DCPS: variants seen among roughly 807,000 people sequenced by gnomAD.
DCPS encodes the protein decapping enzyme, scavenger.
DCPS carries 27 observed loss-of-function variants against 34.7 expected under a neutral mutation model. The observed-to-expected ratio is 0.78, with a 90% CI of 0.57 to 1.07. DCPS has a LOEUF of 1.07. DCPS is among the 50% of genes least tolerant of loss of function. DCPS has a pLI of 0.00. For missense variants in DCPS, 464 were observed against 436.9 expected (o/e 1.06, Z -0.55); for synonymous variants, 185 against 185.7 (o/e 1.00, Z 0.03).
Position 126,338,537 on chromosome 11 carries a change from TG to T in DCPS, c.636+139del. 1 of 762,498 alleles carries T rather than the reference TG, an allele frequency of 1.3e-6. No individual in the cohort carries two copies. The highest frequency in any genetic ancestry group is 2.2e-6 in the Non-Finnish European group (1 of 450,998). 47.2% of individuals were successfully genotyped at this position (762,498 alleles called of 1,614,324 possible). A position where few individuals can be genotyped will look rare whatever the true frequency, so the allele number is the denominator to read the frequency against. On this transcript the variant is annotated intron_variant, in intron 4 of 5. Coordinates refer to ENST00000263579, the MANE Select transcript of DCPS (RefSeq NM_014026.6). The surrounding 1 kb of genome is among the most constrained non-coding windows in gnomAD (Gnocchi z 5.4). ...CCAACAAGGGTTGGCCTGAGCTCTC[TG>T]TGGGGACTGGGTGGATACCTGTCAT...
At position 126,333,647 on chromosome 11, in the gene DCPS, T is replaced by A. The variant is rs1951808753; in HGVS notation, c.522+2097T>A. Among the ~76,000 whole-genome samples, 1 of 150,968 alleles carries A rather than the reference T, an allele frequency of 6.6e-6. No individual in the cohort carries two copies. The highest frequency in any genetic ancestry group is 2.1e-4 in the South Asian group (1 of 4,744). ...GATGCTTTGGGGGAGCTGCAAGGAG[T>A]TTGGTGTGACTGGGGCTTGGGCTGC... On this transcript the variant is annotated intron_variant, in intron 3 of 5. Transcript: ENST00000263579. The surrounding 1 kb of genome is among the most constrained non-coding windows in gnomAD (Gnocchi z 5.7).
intron 4 of DCPS, among the ~76,000 whole-genome samples, chr11:126,339,490 A>T (rs1202810947): frequency 6.6e-6 from 1 of 152,226 alleles, no homozygotes; most frequent in Middle Eastern, 3.2e-3. Context: ...TCAGGGTTAC[A>T]CAGGCAAGTG....
rs1951811706 is a variant in DCPS at position 126,333,977 on chromosome 11, T to C, written c.522+2427T>C. Among the ~76,000 whole-genome samples the C allele has an allele frequency of 6.6e-6, 1 of 152,144 alleles. No individual in the cohort carries two copies. The highest frequency in any genetic ancestry group is 2.4e-5 in the African/African-American group (1 of 41,416). On this transcript the variant is annotated intron_variant, in intron 3 of 5. Transcript: ENST00000263579. This position sits in a 1 kb window ranked among gnomAD's most constrained non-coding sequence, Gnocchi z 5.7. ...AACGGTTTTAAGCATGTGGATGATA[T>C]GGCCCGATTTGCAGAATTAATTGGT...
rs1354040499 is a variant in DCPS, at chr11:126,342,756, C to T, written c.637-551C>T. Among the ~76,000 whole-genome samples, 1 of 152,114 alleles carries T rather than the reference C, an allele frequency of 6.6e-6. No individual in the cohort carries two copies. The highest frequency in any genetic ancestry group is 2.4e-5 in the African/African-American group (1 of 41,432). On this transcript the variant is annotated intron_variant, in intron 4 of 5. Coordinates refer to ENST00000263579, the MANE Select transcript of DCPS (RefSeq NM_014026.6). This position sits in a 1 kb window ranked among gnomAD's most constrained non-coding sequence, Gnocchi z 4.4. ...TTGCTCTTTCTTGAACCTCCTGGCT[C>T]CCTGCCCCGACAGCTCTGGGGAGTG...
rs751090546 is a variant in DCPS, at chr11:126,345,500, GTGA to G, written c.903_905del (p.Ile302del). 8 of 1,614,154 alleles carry G rather than the reference GTGA, an allele frequency of 5.0e-6. No homozygotes were observed. The highest frequency in any genetic ancestry group is 6.8e-6 in the Non-Finnish European group (8 of 1,180,030). ...GGAGCGGGCCCACCTGCTGGCTGAGGTGATCGAGAACTTGGAGTGTGACCCTAG... is the reference window on the plus strand; with the variant it reads ...GGAGCGGGCCCACCTGCTGGCTGAGGTCGAGAACTTGGAGTGTGACCCTAG... On this transcript the variant is annotated inframe_deletion, in exon 6 of 6. Transcript: ENST00000263579. This position sits in a 1 kb window ranked among gnomAD's most constrained non-coding sequence, Gnocchi z 7.4.
Position 126,306,616 on chromosome 11 carries a change from T to C in DCPS, c.248T>C (p.Ile83Thr), listed in dbSNP as rs762065785. The change falls in exon 2 of 6, where the codon ATC becomes ACC. Residue 83 changes from isoleucine (I) to threonine (T), a missense_variant. By Grantham distance (89) the Ile-to-Thr change is moderately conservative. Coordinates refer to ENST00000263579, the MANE Select transcript of DCPS (RefSeq NM_014026.6). The stretch of plus-strand genomic sequence containing the variant: ...GGGGATGGAGAGGATGCCGTTGTGA[T>C]CCTGGAGAAGACGCCATTTCAGGTG... ...GDGDGEDAVV[I>T]LEKTPFQVEQ... 2 of 1,613,588 alleles carry C rather than the reference T, an allele frequency of 1.2e-6. No homozygotes were observed. Among genetic ancestry groups the C allele is most frequent in the African/African-American group, 2.7e-5 (2 of 74,864 alleles).
In DCPS at chr11:126,345,359, C is replaced by A; in HGVS notation, c.760C>A (p.Gln254Lys). 6.2e-7 allele frequency: 1 copy of A among 1,613,962 alleles called. No individual in the cohort carries two copies. Among genetic ancestry groups the A allele is most frequent in the Non-Finnish European group, 8.5e-7 (1 of 1,179,994 alleles). ...CCTGTCTCATCAGGAGGCCATCCTGCAGCGCTACCGGATGAAGGGAGACCA... is the reference window on the plus strand; with the variant it reads ...CCTGTCTCATCAGGAGGCCATCCTGAAGCGCTACCGGATGAAGGGAGACCA... ...ILHQGQEAILQRYRMKGDHLR... is the reference protein window; with the variant it reads ...ILHQGQEAILKRYRMKGDHLR... The change falls in exon 6 of 6, where the codon CAG (glutamine) becomes AAG (lysine). Residue 254 changes from glutamine to lysine, a missense_variant. Transcript: ENST00000263579. The surrounding 1 kb of genome is among the most constrained non-coding windows in gnomAD (Gnocchi z 7.4).
chr11:126,326,670 T>G (rs1951741622), intron 2 of DCPS, among the ~76,000 whole-genome samples: 1 of 152,190 alleles, frequency 6.6e-6, no homozygotes, highest in Non-Finnish European at 1.5e-5. Flanking sequence ...ACGCCTGTAA[T>G]CCCAGCACTT....
At position 126,327,568 on chromosome 11, in the gene DCPS, T is replaced by A. The variant is rs1453551931; in HGVS notation, c.377-3837T>A. Among the ~76,000 whole-genome samples the A allele has an allele frequency of 2.6e-5, 4 of 152,252 alleles. No homozygotes were observed. Among genetic ancestry groups the A allele is most frequent in the African/African-American group, 9.6e-5 (4 of 41,468 alleles). ...GATGGTTTGATTGTTTATTGAGCAT[T>A]GACTCCTGACCAAACTCCTCCTGAA... On this transcript the variant is annotated intron_variant, in intron 2 of 5. Coordinates refer to ENST00000263579, the MANE Select transcript of DCPS (RefSeq NM_014026.6). The surrounding 1 kb of genome is among the most constrained non-coding windows in gnomAD (Gnocchi z 4.1).
chr11:126,305,437 T>TTTTTTTA (rs1951556086), intron 1 of DCPS, among the ~76,000 whole-genome samples: 3 of 135,622 alleles, frequency 2.2e-5, no homozygotes, highest in Admixed American at 7.3e-5. Context: ...TTTTTTTTTT[T>TTTTTTTA]GAGATGGAGT....
Position 126,322,759 on chromosome 11 carries a change from A to AT in DCPS, c.377-8638dup, listed in dbSNP as rs1191547997. ...AGGCGCGTGCCATCACGCCCAGCTA[A>AT]TTTTTTTTATTTTTAGTAGAGACGG... On this transcript the variant is annotated intron_variant, in intron 2 of 5. Coordinates refer to ENST00000263579, the MANE Select transcript of DCPS (RefSeq NM_014026.6). This position sits in a 1 kb window ranked among gnomAD's most constrained non-coding sequence, Gnocchi z 4.2. Among the ~76,000 whole-genome samples the AT allele has an allele frequency of 4.6e-5, 7 of 151,488 alleles. No homozygotes were observed. The highest frequency in any genetic ancestry group is 3.9e-4 in the Admixed American group (6 of 15,220).
At position 126,338,025 on chromosome 11, in the gene DCPS, C is replaced by T. The variant is rs561032644; in HGVS notation, c.523-261C>T. On this transcript the variant is annotated intron_variant, in intron 3 of 5. Coordinates refer to ENST00000263579, the MANE Select transcript of DCPS (RefSeq NM_014026.6). This position sits in a 1 kb window ranked among gnomAD's most constrained non-coding sequence, Gnocchi z 5.4. ...ACTATGCTGACCAGGAAGAGCCTGG[C>T]CCCTTCCAAGCTGCAGAGACCCTTG... is the stretch of plus-strand genomic sequence containing the variant. 46 of 497,212 alleles carry T rather than the reference C, an allele frequency of 9.3e-5. No individual in the cohort carries two copies. Among genetic ancestry groups the T allele is most frequent in the Non-Finnish European group, 1.4e-4 (39 of 273,222 alleles). The allele number at this position is 497,212 out of a possible 1,614,324, so 30.8% of individuals were successfully genotyped here. A position where few individuals can be genotyped will look rare whatever the true frequency, so the allele number is the denominator to read the frequency against.
In DCPS at chr11:126,313,482, C is replaced by T. The variant is rs541423002; in HGVS notation, c.376+6738C>T. ...GTAGATAAACCGAGGTATAGTCCTA[C>T]AGTGCCTAGCTACAGCAGTGAAAAT... On this transcript the variant is annotated intron_variant, in intron 2 of 5. Coordinates refer to ENST00000263579, the MANE Select transcript of DCPS (RefSeq NM_014026.6). This position sits in a 1 kb window ranked among gnomAD's most constrained non-coding sequence, Gnocchi z 4.9. Among the ~76,000 whole-genome samples the T allele has an allele frequency of 6.6e-5, 10 of 152,284 alleles. No homozygotes were observed. The South Asian group carries it at 8.3e-4, about 13-fold the overall frequency.
intron 1 of DCPS, among the ~76,000 whole-genome samples, chr11:126,305,507 A>G (rs1022916313): frequency 1.6e-5 from 2 of 125,334 alleles, no homozygotes; most frequent in African/African-American, 3.2e-5. Context: ...TGCAACCTCC[A>G]CTTTCTGGAT....
At chr11:126,317,365 G>A (rs1325928146) in intron 2 of DCPS, among the ~76,000 whole-genome samples, 1 of 150,178 alleles carries the variant, frequency 6.7e-6, no homozygotes, top group Admixed American at 6.6e-5. Flanking sequence ...CCTCTCTCTG[G>A]TTCTCTGATT....
intron 2 of DCPS, among the ~76,000 whole-genome samples, chr11:126,309,500 C>T (rs1951603216): frequency 6.6e-6 from 1 of 152,090 alleles, no homozygotes; most frequent in Admixed American, 6.6e-5. Flanking sequence ...GTTATTATAC[C>T]ATGTTTTTTA....
rs1951768832 is a variant in DCPS at position 126,329,837 on chromosome 11, T to C, written c.377-1568T>C. Among the ~76,000 whole-genome samples the C allele has an allele frequency of 1.3e-5, 2 of 151,846 alleles. No homozygotes were observed. The highest frequency in any genetic ancestry group is 4.8e-5 in the African/African-American group (2 of 41,298). The stretch of plus-strand genomic sequence containing the variant: ...TTAGCCGGGTTTTGCGGTGTGTGAG[T>C]GAGTATGAGGACTTCGTGGTGGTGA... On this transcript the variant is annotated intron_variant, in intron 2 of 5. Transcript: ENST00000263579. The surrounding 1 kb of genome is among the most constrained non-coding windows in gnomAD (Gnocchi z 5.0).
In DCPS at chr11:126,337,089, G is replaced by A. The variant is rs531947392; in HGVS notation, c.523-1197G>A. ...GGCAGTCCCCGTGCCTCTAGCCTTCGGTGATGCTACCTGTCCAGCACTTCT... is the reference window on the plus strand; with the variant it reads ...GGCAGTCCCCGTGCCTCTAGCCTTCAGTGATGCTACCTGTCCAGCACTTCT... On this transcript the variant is annotated intron_variant, in intron 3 of 5. Coordinates refer to ENST00000263579, the MANE Select transcript of DCPS (RefSeq NM_014026.6). The surrounding 1 kb of genome is among the most constrained non-coding windows in gnomAD (Gnocchi z 5.3). The A allele has an allele frequency of 3.3e-5, 5 of 152,282 alleles. No individual in the cohort carries two copies. The highest frequency in any genetic ancestry group is 1.9e-4 in the East Asian group (1 of 5,180). 9.4% of individuals were successfully genotyped at this position (152,282 alleles called of 1,614,324 possible). A position where few individuals can be genotyped will look rare whatever the true frequency, so the allele number is the denominator to read the frequency against.
chr11:126,337,956 G>A lies in DCPS; in HGVS notation c.523-330G>A. 3 of 322,382 alleles carry A rather than the reference G, an allele frequency of 9.3e-6. No homozygotes were observed. In the South Asian group the frequency reaches 1.0e-4, roughly 11 times the overall value. The allele number at this position is 322,382 out of a possible 1,614,324, so 20.0% of individuals were successfully genotyped here. On this transcript the variant is annotated intron_variant, in intron 3 of 5. Transcript: ENST00000263579. The surrounding 1 kb of genome is among the most constrained non-coding windows in gnomAD (Gnocchi z 5.3). ...CGGTGGAGGGGGTCACTGCTATAGAGGGCAGACACAGCCTGGGTTTGGAGG... is the reference window on the plus strand; with the variant it reads ...CGGTGGAGGGGGTCACTGCTATAGAAGGCAGACACAGCCTGGGTTTGGAGG...
Sources: allele counts gnomAD v4.1 joint callset (sites outside exome capture counted in the v4.1 genomes callset), GRCh38; gene constraint gnomAD v4.1.1; non-coding constraint Gnocchi (gnomAD v3.1); transcripts MANE v1.5; gene names NCBI Gene and HGNC (gene_info 2026-07-23, HGNC 2026-07-21).